CPN1: variants seen among roughly 807,000 people sequenced by gnomAD.
CPN1 encodes carboxypeptidase N catalytic chain.
CPN1 carries 37 observed loss-of-function variants against 46.4 expected under a neutral mutation model. The ratio of observed to expected loss-of-function variants is 0.80; its 90% CI spans 0.61 to 1.05. The LOEUF is 1.05. Among genes scored for constraint, CPN1 ranks in the 50% least tolerant of loss-of-function variants. CPN1 has a pLI of 0.00. For missense variants in CPN1, 563 were observed against 602.6 expected (o/e 0.93, Z 0.69); for synonymous variants, 224 against 235.4 (o/e 0.95, Z 0.44).
At chr10:100,076,264 TAC>T (rs1460362313) in intron 1 of CPN1, among the ~76,000 whole-genome samples, 157 bp from the exon 2 acceptor site, 2 of 152,172 alleles carry the variant, frequency 1.3e-5, no homozygotes, top group East Asian at 3.9e-4. Flanking sequence ...CCTAACCAAT[TAC>T]AGTTACAAAA....
At chr10:100,053,565 C>T (rs1432007007) in intron 7 of CPN1, among the ~76,000 whole-genome samples, 2 of 150,980 alleles carry the variant, frequency 1.3e-5, no homozygotes, top group African/African-American at 4.9e-5. Context: ...GCAGAGGTTG[C>T]AGTGAGATCA....
intron 6 of CPN1, among the ~76,000 whole-genome samples, chr10:100,056,254 A>T (rs1245232863): frequency 6.6e-6 from 1 of 152,134 alleles, no homozygotes; most frequent in African/African-American, 2.4e-5. Context: ...AGTGGTGCTG[A>T]GCATTTTTCA....
chr10:100,042,849 T>TC (rs2041285627), intron 8 of CPN1, among the ~76,000 whole-genome samples: 1 of 24,596 alleles, frequency 4.1e-5, no homozygotes, highest in Non-Finnish European at 7.2e-5. Context: ...ATCCCAGCAC[T>TC]TGGGAGGCTG....
In CPN1 at chr10:100,071,315, G is replaced by A. The variant is rs116698861; in HGVS notation, c.421-1446C>T. Reference sequence around the variant, plus strand: ...TCTCCAATTTATTCTCTGGAGGCTAGAAGTTGTAATCAAGTCAACTGGATG... The same window carrying A: ...TCTCCAATTTATTCTCTGGAGGCTAAAAGTTGTAATCAAGTCAACTGGATG... On this transcript the variant is annotated intron_variant, in intron 2 of 8. Coordinates refer to ENST00000370418, the MANE Select transcript of CPN1 (RefSeq NM_001308.3). Among the ~76,000 whole-genome samples, 1,014 of 152,264 alleles carry A rather than the reference G, an allele frequency of 6.7e-3. 15 individuals are homozygous for A. The highest frequency in any genetic ancestry group is 0.023 in the African/African-American group (940 of 41,570).
rs752074540 is a variant in CPN1, at chr10:100,075,911, C to G, written c.420G>C (p.Gln140His). ...CCGGCATCTCCCTTGGACCTCGTAC[C>G]TGGGCAGCAGCCACCTCGTAGCCGT... The part of the protein sequence containing the change: ...NPDGYEVAAA[Q>H]GPNKPGYLVG... The change falls in exon 2 of 9, where the codon CAG becomes CAC. Residue 140 changes from glutamine to histidine, a missense_variant and splice_region_variant. Gln to His is a conservative substitution (Grantham distance 24). Transcript: ENST00000370418. 5 of 1,613,926 alleles carry G rather than the reference C, an allele frequency of 3.1e-6. No individual in the cohort carries two copies. The highest frequency in any genetic ancestry group is 1.3e-5 in the African/African-American group (1 of 75,038).
Position 100,063,727 on chromosome 10 carries a change from T to C in CPN1, c.760-2A>G. On this transcript the variant is annotated splice_acceptor_variant, in intron 4 of 8. Coordinates refer to ENST00000370418, the MANE Select transcript of CPN1 (RefSeq NM_001308.3). LOFTEE classifies it high-confidence loss of function. ...TGCATAGGAGTAGACCTTGGCCAGC[T>C]AGAGGAAAAGCAGGAGGAAAACGAC... 3 of 1,612,552 alleles carry C rather than the reference T, an allele frequency of 1.9e-6. No homozygotes were observed. The South Asian group carries it at 3.3e-5, about 18-fold the overall frequency.
intron 3 of CPN1, among the ~76,000 whole-genome samples, chr10:100,066,206 C>T (rs1014335596): frequency 6.6e-6 from 1 of 152,140 alleles, no homozygotes; most frequent in Non-Finnish European, 1.5e-5. Context: ...CCATCTCCAC[C>T]TCCCAAAGTG....
chr10:100,069,222 G>A (rs1326407451), intron 3 of CPN1, among the ~76,000 whole-genome samples: 3 of 152,122 alleles, frequency 2.0e-5, no homozygotes, highest in Non-Finnish European at 4.4e-5. Context: ...GGTGGCTCAC[G>A]CCTGTAATCC....
chr10:100,057,353 CAT>C (rs2041390323), intron 5 of CPN1, among the ~76,000 whole-genome samples: 1 of 152,126 alleles, frequency 6.6e-6, no homozygotes, highest in South Asian at 2.1e-4. Flanking sequence ...ATGGGGCACA[CAT>C]AGTGACGTTT....
chr10:100,073,702 A>G (rs1406620350), intron 2 of CPN1, among the ~76,000 whole-genome samples: 2 of 144,342 alleles, frequency 1.4e-5, no homozygotes, highest in African/African-American at 2.6e-5. Flanking sequence ...CGCAACCTTC[A>G]TCTCCCAGGT....
At chr10:100,065,115 C>A in intron 4 of CPN1, 73 bp downstream of exon 4, 1 of 1,537,880 alleles carries the variant, frequency 6.5e-7, no homozygotes, top group Non-Finnish European at 8.8e-7. Flanking sequence ...GAAAAGGGTT[C>A]TGTGTTACTG....
intron 1 of CPN1, among the ~76,000 whole-genome samples, chr10:100,077,614 C>T (rs889954305): frequency 6.6e-6 from 1 of 152,070 alleles, no homozygotes; most frequent in Admixed American, 6.6e-5. Flanking sequence ...CTTGTGACAC[C>T]ATCCATTATT....
In CPN1 at chr10:100,065,133, G is replaced by A. The variant is rs1834144073; in HGVS notation, c.759+55C>T. ...AAGGGTTCTGTGTTACTGACCTTAA[G>A]CTCACCTCCTGAGCCCCAAGTTCCC... is the stretch of plus-strand genomic sequence containing the variant. On this transcript the variant is annotated intron_variant, in intron 4 of 8. Coordinates refer to ENST00000370418, the MANE Select transcript of CPN1 (RefSeq NM_001308.3). 8.2e-6 allele frequency: 13 copies of A among 1,587,584 alleles called. No homozygotes were observed. The South Asian group carries it at 1.4e-4, about 17-fold the overall frequency.
rs1386661785 is a variant in CPN1 at position 100,057,344 on chromosome 10, T to G, written c.872-192A>C. ...TCACATAATAATATGTACATATTCA[T>G]GGGGCACACATAGTGACGTTTCAAT... On this transcript the variant is annotated intron_variant, in intron 5 of 8. Transcript: ENST00000370418. 2.0e-5 allele frequency among the ~76,000 whole-genome samples: 3 copies of G among 152,204 alleles called. No individual in the cohort carries two copies. The East Asian group carries it at 5.8e-4, about 29-fold the overall frequency.
At chr10:100,042,720 C>T in intron 8 of CPN1, 147 bp from the exon 9 acceptor site, 2 of 943,314 alleles carry the variant, frequency 2.1e-6, no homozygotes, top group Non-Finnish European at 3.3e-6. Context: ...GGCTAACGTT[C>T]CCCCAAAATT....
chr10:100,050,068 T>C (rs2041340682), intron 7 of CPN1, among the ~76,000 whole-genome samples: 1 of 152,080 alleles, frequency 6.6e-6, no homozygotes, highest in Non-Finnish European at 1.5e-5. Flanking sequence ...TAAAACCTAC[T>C]GAGGCCAGGT....
At chr10:100,042,708 T>C (rs1261712609) in intron 8 of CPN1, 135 bp from the exon 9 acceptor site, 65 of 1,086,154 alleles carry the variant, frequency 6.0e-5, no homozygotes, top group Non-Finnish European at 8.4e-5. Context: ...TCATATAGAC[T>C]TGGCTAACGT....
In CPN1 at chr10:100,063,644, TG is replaced by T. The variant is rs1454020811; in HGVS notation, c.840del (p.Asn281MetfsTer29). On this transcript the variant is annotated frameshift_variant, in exon 5 of 9. Transcript: ENST00000370418. LOFTEE classifies it high-confidence loss of function. ...NCGDYFPDGI[T>X]NGASWYSLSK... ...CTGAGAGAATACCAGGAAGCCCCAT[TG>T]GTGATGCCATCTGGGAAGTAATCTC... 4.3e-6 allele frequency: 7 copies of T among 1,613,888 alleles called. No individual in the cohort carries two copies. The highest frequency in any genetic ancestry group is 5.1e-6 in the Non-Finnish European group (6 of 1,179,914).
At chr10:100,043,835 G>A (rs564458723) in intron 8 of CPN1, among the ~76,000 whole-genome samples, 8 of 152,016 alleles carry the variant, frequency 5.3e-5, no homozygotes, top group Non-Finnish European at 1.0e-4. Context: ...AAATTTCCAT[G>A]TGTGTTAATG....
Sources: gnomAD v4.1 joint callset for allele counts (sites outside exome capture counted in the v4.1 genomes callset) on GRCh38, gnomAD v4.1.1 for gene constraint, MANE v1.5 for transcripts, NCBI Gene and HGNC (gene_info 2026-07-23, HGNC 2026-07-21) for gene names.